AFF3: variants seen among roughly 807,000 people sequenced by gnomAD.
The protein encoded by AFF3 is AF4/FMR2 family member 3.
In AFF3, 32 loss-of-function variants were observed where a neutral mutation model predicts 129.7. That is an observed-to-expected ratio of 0.25 (90% confidence interval 0.19 to 0.33). The LOEUF is 0.33. Ranked by LOEUF, AFF3 falls within the 10% of genes least tolerant of loss-of-function variation. The pLI is 1.00. For synonymous variants in AFF3, 644 were observed against 635.4 expected, an observed-to-expected ratio of 1.01 and a Z score of -0.20; for missense variants, 1,373 against 1,592.0, an observed-to-expected ratio of 0.86 and a Z score of 2.34.
At chr2:99,578,957 C>T (rs544278564) in intron 17 of AFF3, among the ~76,000 whole-genome samples, 2 of 152,282 alleles carry the variant, frequency 1.3e-5, no homozygotes, top group South Asian at 2.1e-4. Context: ...CCCGGTGATG[C>T]GGATGCTGTA....
intron 4 of AFF3, among the ~76,000 whole-genome samples, chr2:100,062,198 T>C (rs979189529): frequency 1.1e-4 from 17 of 152,038 alleles, no homozygotes; most frequent in African/African-American, 3.9e-4. Flanking sequence ...CTGCGAGCAA[T>C]GTGGGAGCAA....
At chr2:99,591,680 G>A (rs775977849) in intron 15 of AFF3, among the ~76,000 whole-genome samples, 12 of 152,168 alleles carry the variant, frequency 7.9e-5, no homozygotes, top group East Asian at 1.9e-4. Flanking sequence ...GCTGTGAAAC[G>A]TATGTGTCCA....
intron 8 of AFF3, among the ~76,000 whole-genome samples, chr2:99,826,137 C>T (rs1688060326): frequency 6.6e-6 from 1 of 152,120 alleles, no homozygotes; most frequent in Non-Finnish European, 1.5e-5. Flanking sequence ...GCCTCAGCCT[C>T]CTGAGTAGCT....
intron 4 of AFF3, among the ~76,000 whole-genome samples, chr2:100,086,845 G>T (rs1053976948): frequency 7.2e-5 from 11 of 152,226 alleles, no homozygotes; most frequent in African/African-American, 2.4e-4. Flanking sequence ...GGACTTAATA[G>T]CTTGAATCAT....
chr2:99,793,500 T>A (rs1287762789), intron 8 of AFF3, among the ~76,000 whole-genome samples: 2 of 152,230 alleles, frequency 1.3e-5, no homozygotes, highest in Admixed American at 6.5e-5. Flanking sequence ...TGGGGTAGAT[T>A]TGGTCATTTT....
intron 7 of AFF3, among the ~76,000 whole-genome samples, chr2:99,919,883 G>A (rs1394187080): frequency 6.6e-6 from 1 of 152,018 alleles, no homozygotes; most frequent in African/African-American, 2.4e-5. Context: ...GAATAAAACA[G>A]TGAATATGAC....
At chr2:99,709,362 AG>A (rs1002038820) in intron 11 of AFF3, among the ~76,000 whole-genome samples, 58 of 152,174 alleles carry the variant, frequency 3.8e-4, no homozygotes, top group African/African-American at 1.4e-3. Context: ...CACCCCAGAG[AG>A]CCGTAAGAGT....
At chr2:99,883,438 A>C (rs1692877517) in intron 7 of AFF3, among the ~76,000 whole-genome samples, 1 of 152,180 alleles carries the variant, frequency 6.6e-6, no homozygotes, top group African/African-American at 2.4e-5. Flanking sequence ...TAAAAAATAA[A>C]ATACACGCTT....
chr2:99,733,378 C>CA (rs60106625), intron 10 of AFF3, among the ~76,000 whole-genome samples: 99,760 of 134,356 alleles, frequency 0.74, 36,846 homozygotes, highest in South Asian at 0.9. Context: ...AGACTCCGTC[C>CA]AAAAAAAAAA....
At chr2:99,979,839 A>G (rs578020259) in intron 7 of AFF3, among the ~76,000 whole-genome samples, 1 of 152,128 alleles carries the variant, frequency 6.6e-6, no homozygotes, top group African/African-American at 2.4e-5. Flanking sequence ...TACTATCTCT[A>G]TATTCAAAAT....
intron 4 of AFF3, among the ~76,000 whole-genome samples, chr2:100,014,252 C>CA (rs766736285): frequency 2.4e-4 from 37 of 152,016 alleles, no homozygotes; most frequent in Non-Finnish European, 4.1e-4. Flanking sequence ...AAAAACTATC[C>CA]AAACTACTGA....
intron 19 of AFF3, among the ~76,000 whole-genome samples, chr2:99,566,594 G>C (rs1675992673): frequency 6.6e-6 from 1 of 152,076 alleles, no homozygotes; most frequent in African/African-American, 2.4e-5. Flanking sequence ...TGTAGCTGTC[G>C]AAATTTGTGT....
At chr2:100,021,489 A>G (rs1002577699) in intron 4 of AFF3, among the ~76,000 whole-genome samples, 5 of 152,086 alleles carry the variant, frequency 3.3e-5, no homozygotes, top group African/African-American at 1.2e-4. Flanking sequence ...ACAGAACTAA[A>G]CCCCATTCAG....
intron 7 of AFF3, among the ~76,000 whole-genome samples, chr2:99,840,003 T>C (rs543199223): frequency 3.9e-5 from 6 of 152,372 alleles, no homozygotes; most frequent in South Asian, 4.1e-4. Context: ...TTTGCCCATG[T>C]TGTAATTGGG....
chr2:99,729,226 A>C (rs1032290803), intron 10 of AFF3, among the ~76,000 whole-genome samples: 3 of 152,206 alleles, frequency 2.0e-5, no homozygotes, highest in African/African-American at 7.2e-5. Flanking sequence ...GAAAACAGGA[A>C]ATTGAAAATA....
chr2:99,665,004 T>C (rs1686552885), intron 12 of AFF3, among the ~76,000 whole-genome samples: 1 of 152,200 alleles, frequency 6.6e-6, no homozygotes, highest in Admixed American at 6.5e-5. Context: ...TGAGTAGGTG[T>C]TAGCAAGGCA....
intron 7 of AFF3, among the ~76,000 whole-genome samples, chr2:99,910,820 G>A (rs1325491499): frequency 6.6e-6 from 1 of 152,214 alleles, no homozygotes; most frequent in Non-Finnish European, 1.5e-5. Context: ...ATTGTAGTTT[G>A]GAAGGCTAAG....
chr2:99,669,123 A>G (rs982398825), intron 12 of AFF3, among the ~76,000 whole-genome samples: 1 of 152,218 alleles, frequency 6.6e-6, no homozygotes, highest in African/African-American at 2.4e-5. Flanking sequence ...ATAATTTACT[A>G]AAGTTGAACA....
At chr2:99,804,545 A>AAAGTAGAT (rs1456789772) in intron 8 of AFF3, among the ~76,000 whole-genome samples, 1 of 152,214 alleles carries the variant, frequency 6.6e-6, no homozygotes, top group Non-Finnish European at 1.5e-5. Context: ...CAAAGAACTA[A>AAAGTAGAT]AAGTAGATCA....
Sources: gnomAD v4.1 joint callset for allele counts (sites outside exome capture counted in the v4.1 genomes callset) on GRCh38, gnomAD v4.1.1 for gene constraint, MANE v1.5 for transcripts, NCBI Gene and HGNC (gene_info 2026-07-23, HGNC 2026-07-21) for gene names.